PIP5K1A: variants seen among roughly 807,000 people sequenced by gnomAD.
The protein encoded by PIP5K1A is phosphatidylinositol-4-phosphate 5-kinase type 1 alpha.
PIP5K1A carries 46 observed loss-of-function variants against 72.9 expected under a neutral mutation model. The ratio of observed to expected loss-of-function variants is 0.63; its 90% CI spans 0.50 to 0.81. The LOEUF (loss-of-function observed/expected upper bound fraction) is 0.81, where lower values mean the gene tolerates loss of function less well. Ranked by LOEUF, PIP5K1A falls within the 30% of genes least tolerant of loss-of-function variation. The pLI is 0.00. For missense variants in PIP5K1A, 458 were observed against 706.1 expected (o/e 0.65, Z 3.98); for synonymous variants, 228 against 255.1 (o/e 0.89, Z 1.01).
chr1:151,212,899 T>TTTTTTTTTTTTTTTTA (rs1687036764), intron 1 of PIP5K1A, among the ~76,000 whole-genome samples: 1 of 108,382 alleles, frequency 9.2e-6, no homozygotes. Flanking sequence ...TTTTTTTTTT[T>TTTTTTTTTTTTTTTTA]CTTTTTTTTG....
In PIP5K1A at chr1:151,217,842, C is replaced by T. The variant is rs115406401; in HGVS notation, c.86-6403C>T. On this transcript the variant is annotated intron_variant, in intron 1 of 15. Transcript: ENST00000368888. ...TTGCCCAGGCTGGAGTGCAGTGTTA[C>T]GATCTTAGCTCACTGCAACCTCCAC... Among the ~76,000 whole-genome samples the T allele has an allele frequency of 5.5e-3, 836 of 151,908 alleles. 7 individuals carry two copies. Among genetic ancestry groups the T allele is most frequent in the African/African-American group, 0.019 (797 of 41,426 alleles).
At position 151,230,433 on chromosome 1, in the gene PIP5K1A, C is replaced by G. The variant is rs1292023180; in HGVS notation, c.238-1238C>G. On this transcript the variant is annotated intron_variant, in intron 4 of 15. Coordinates refer to ENST00000368888, the MANE Select transcript of PIP5K1A (RefSeq NM_001135638.2). ...GGAATCCTGGATTGTAAGAGTGGGG[C>G]TCTTGTATTTGTGTTTTGACCAAGT... Among the ~76,000 whole-genome samples, 6 of 152,320 alleles carry G rather than the reference C, an allele frequency of 3.9e-5. No homozygotes were observed. In the East Asian group the frequency reaches 1.2e-3, roughly 29 times the overall value.
intron 12 of PIP5K1A, among the ~76,000 whole-genome samples, chr1:151,241,359 C>T (rs1691668345): frequency 1.3e-5 from 2 of 151,198 alleles, no homozygotes; most frequent in African/African-American, 4.9e-5. Flanking sequence ...AAAAAATTAG[C>T]CGGGCATGGT....
At chr1:151,246,864 T>G in intron 14 of PIP5K1A, 56 bp from the exon 15 acceptor site, 5 of 1,308,582 alleles carry the variant, frequency 3.8e-6, no homozygotes, top group Non-Finnish European at 4.4e-6. Context: ...GGAGAGTCCT[T>G]TGTTGTTGTC....
rs78155966 is a variant in PIP5K1A, at chr1:151,216,900, G to GTTT, written c.86-7317_86-7315dup. Among the ~76,000 whole-genome samples the GTTT allele has an allele frequency of 1.8e-4, 25 of 136,776 alleles. 1 individual carries two copies. The highest frequency in any genetic ancestry group is 8.8e-4 in the East Asian group (4 of 4,536). 89.7% of individuals were successfully genotyped at this position (136,776 alleles called of 152,430 possible). ...ACCCAAGGTTACCTACTTAGTAAAT[G>GTTT]TTTTTTTTTTTTTTTTTTTTTTTTT... On this transcript the variant is annotated intron_variant, in intron 1 of 15. Coordinates refer to ENST00000368888, the MANE Select transcript of PIP5K1A (RefSeq NM_001135638.2).
At chr1:151,242,356 T>C (rs1691867431) in intron 13 of PIP5K1A, 82 bp from the exon 14 acceptor site, 1 of 1,599,902 alleles carries the variant, frequency 6.3e-7, no homozygotes, top group Non-Finnish European at 8.6e-7. Flanking sequence ...GGACCTCTGC[T>C]CCCATTTCTA....
intron 14 of PIP5K1A, among the ~76,000 whole-genome samples, chr1:151,246,226 G>A (rs779558505): frequency 2.0e-5 from 3 of 152,108 alleles, no homozygotes; most frequent in Non-Finnish European, 4.4e-5. Context: ...CAGCCTGGGC[G>A]ACAGAGCGAG....
intron 1 of PIP5K1A, among the ~76,000 whole-genome samples, chr1:151,219,377 G>A (rs868241825): frequency 5.2e-5 from 7 of 134,986 alleles, no homozygotes; most frequent in South Asian, 2.3e-4. Context: ...CAAGACTCTC[G>A]TCTCAAAAAA....
intron 7 of PIP5K1A, 132 bp from the exon 8 acceptor site, chr1:151,234,065 A>C: frequency 1.5e-6 from 1 of 674,978 alleles, no homozygotes; most frequent in Non-Finnish European, 2.7e-6. Flanking sequence ...TATATGATGT[A>C]GGTTTATGGA....
At chr1:151,209,630 G>C (rs1376208807) in intron 1 of PIP5K1A, among the ~76,000 whole-genome samples, 1 of 151,982 alleles carries the variant, frequency 6.6e-6, no homozygotes, top group Non-Finnish European at 1.5e-5. Context: ...GTAGAGATGG[G>C]GTTTCTCCAT....
intron 1 of PIP5K1A, among the ~76,000 whole-genome samples, chr1:151,204,544 C>G (rs1003614698): frequency 1.3e-5 from 2 of 152,132 alleles, no homozygotes; most frequent in African/African-American, 4.8e-5. Context: ...GATTTCTTTC[C>G]TAGTTCTTCC....
chr1:151,220,051 G>A (rs2102345205), intron 1 of PIP5K1A, among the ~76,000 whole-genome samples: 3 of 151,966 alleles, frequency 2.0e-5, no homozygotes, highest in Admixed American at 2.0e-4. Context: ...TGTTGCCCAG[G>A]CTGGAGTGCA....
intron 3 of PIP5K1A, among the ~76,000 whole-genome samples, chr1:151,226,140 T>G (rs1198038167): frequency 6.7e-6 from 1 of 149,818 alleles, no homozygotes; most frequent in Admixed American, 6.7e-5. Flanking sequence ...CAGGCTGGAG[T>G]GCAGTGGTGC....
At chr1:151,226,556 A>G (rs1479690359) in intron 3 of PIP5K1A, among the ~76,000 whole-genome samples, 1 of 151,576 alleles carries the variant, frequency 6.6e-6, no homozygotes, top group Non-Finnish European at 1.5e-5. Flanking sequence ...TACTAATAAT[A>G]CAAAAAATTA....
chr1:151,212,694 C>A (rs2102138130), intron 1 of PIP5K1A, among the ~76,000 whole-genome samples: 1 of 152,040 alleles, frequency 6.6e-6, no homozygotes, highest in East Asian at 1.9e-4. Context: ...CCTGCCTCAG[C>A]TTCTCGAGTA....
At chr1:151,209,710 A>T (rs183413819) in intron 1 of PIP5K1A, among the ~76,000 whole-genome samples, 1 of 151,638 alleles carries the variant, frequency 6.6e-6, no homozygotes. Flanking sequence ...AAGTGCTGGG[A>T]TTACAGGTGT....
At chr1:151,224,221 T>G in intron 1 of PIP5K1A, 24 bp from the exon 2 acceptor site, 2 of 1,607,968 alleles carry the variant, frequency 1.2e-6, no homozygotes, top group Non-Finnish European at 1.7e-6. Context: ...TACACTCTTA[T>G]GATTGTTTTT....
intron 14 of PIP5K1A, 36 bp from the exon 15 acceptor site, chr1:151,246,883 CT>C: frequency 1.9e-6 from 3 of 1,546,008 alleles, no homozygotes; most frequent in Non-Finnish European, 2.7e-6. Flanking sequence ...TCTTCTAATT[CT>C]TTTTCTCTCT....
chr1:151,227,107 T>A (rs1478830355), intron 3 of PIP5K1A, among the ~76,000 whole-genome samples: 1 of 152,248 alleles, frequency 6.6e-6, no homozygotes, highest in African/African-American at 2.4e-5. Context: ...ATGTGTCCCT[T>A]GGAGTTTTCT....
Sources: allele counts gnomAD v4.1 joint callset (sites outside exome capture counted in the v4.1 genomes callset), GRCh38; gene constraint gnomAD v4.1.1; transcripts MANE v1.5; gene names NCBI Gene and HGNC (gene_info 2026-07-23, HGNC 2026-07-21).